The following EPHB2 variants were observed in gnomAD, a reference collection of about 807,000 sequenced individuals.
The protein encoded by EPHB2 is EPH receptor B2, also known as ephrin type-B receptor 2.
In EPHB2, 18 loss-of-function variants were observed where a neutral mutation model predicts 96.4. That is an observed-to-expected ratio of 0.19 (90% CI 0.13 to 0.28). The LOEUF (loss-of-function observed/expected upper bound fraction) is 0.28, where lower values mean the gene tolerates loss of function less well. EPHB2 is among the 10% of genes least tolerant of loss of function. EPHB2 has a pLI of 1.00. For missense variants in EPHB2, 989 were observed against 1,355.4 expected (o/e 0.73, Z 4.25); for synonymous variants, 506 against 534.1 (o/e 0.95, Z 0.72).
At chr1:22,758,954 T>TGATGGATGGATGGATG (rs933915030) in intron 1 of EPHB2, among the ~76,000 whole-genome samples, 1 of 149,830 alleles carries the variant, frequency 6.7e-6, no homozygotes, top group Admixed American at 6.6e-5. Context: ...GATGGATGGA[T>TGATGGATGGATGGATG]GATGGATGGA....
intron 1 of EPHB2, among the ~76,000 whole-genome samples, chr1:22,749,035 T>C (rs1413852227): frequency 6.7e-6 from 1 of 150,204 alleles, no homozygotes; most frequent in Admixed American, 6.6e-5. Context: ...TTTTTTTTTC[T>C]TTTGAGATGG....
chr1:22,806,949 C>G (rs1644936032), intron 3 of EPHB2, among the ~76,000 whole-genome samples: 1 of 152,100 alleles, frequency 6.6e-6, no homozygotes, highest in African/African-American at 2.4e-5. Flanking sequence ...TTATTATCAG[C>G]ACTCCGGCTG....
intron 3 of EPHB2, among the ~76,000 whole-genome samples, chr1:22,815,273 T>G (rs1233006112): frequency 2.6e-5 from 4 of 151,010 alleles, no homozygotes; most frequent in Non-Finnish European, 1.5e-5. Flanking sequence ...GGGGTGGTTG[T>G]GGGGGGTACA....
chr1:22,825,606 A>G (rs1289144327), intron 3 of EPHB2, among the ~76,000 whole-genome samples: 1 of 152,224 alleles, frequency 6.6e-6, no homozygotes, highest in Non-Finnish European at 1.5e-5. Context: ...GAACCCCCTC[A>G]TGCGTTGGCC....
intron 6 of EPHB2, among the ~76,000 whole-genome samples, chr1:22,890,645 C>G (rs1211161179): frequency 1.3e-5 from 2 of 152,132 alleles, no homozygotes; most frequent in Non-Finnish European, 2.9e-5. Flanking sequence ...GTGTCCCCGC[C>G]CAAATCTCAT....
intron 3 of EPHB2, 144 bp from the exon 4 acceptor site, chr1:22,862,893 C>A (rs1050609762): frequency 2.7e-6 from 3 of 1,131,384 alleles, no homozygotes; most frequent in African/African-American, 1.5e-5. Context: ...AGACTTCAAA[C>A]CCTTCAAGAG....
intron 1 of EPHB2, among the ~76,000 whole-genome samples, chr1:22,712,594 C>T (rs1643183244): frequency 6.6e-6 from 1 of 152,212 alleles, no homozygotes; most frequent in Non-Finnish European, 1.5e-5. Flanking sequence ...GGGGGTGTCC[C>T]TGGATGGCAG....
chr1:22,853,036 T>C (rs1645645920), intron 3 of EPHB2, among the ~76,000 whole-genome samples: 1 of 152,144 alleles, frequency 6.6e-6, no homozygotes, highest in Non-Finnish European at 1.5e-5. Flanking sequence ...CACACACAAG[T>C]TGAATGAGCT....
chr1:22,837,665 C>T (rs1645404510), intron 3 of EPHB2, among the ~76,000 whole-genome samples: 1 of 152,214 alleles, frequency 6.6e-6, no homozygotes, highest in Non-Finnish European at 1.5e-5. Context: ...CTGTCTTCCT[C>T]AGGACAGTCC....
chr1:22,720,998 A>G (rs1044476696), intron 1 of EPHB2, among the ~76,000 whole-genome samples: 2 of 152,124 alleles, frequency 1.3e-5, no homozygotes, highest in Admixed American at 6.5e-5. Flanking sequence ...CGAACTGGGC[A>G]TCATAATTTC....
At chr1:22,815,274 G>A (rs918050574) in intron 3 of EPHB2, among the ~76,000 whole-genome samples, 3 of 152,254 alleles carry the variant, frequency 2.0e-5, no homozygotes, top group East Asian at 3.9e-4. Flanking sequence ...GGGTGGTTGT[G>A]GGGGGTACAG....
intron 1 of EPHB2, among the ~76,000 whole-genome samples, chr1:22,722,127 G>T (rs1336795566): frequency 1.3e-5 from 2 of 151,304 alleles, no homozygotes; most frequent in African/African-American, 4.9e-5. Context: ...TTTGTATTTT[G>T]AGTAAAGACA....
intron 13 of EPHB2, among the ~76,000 whole-genome samples, chr1:22,909,685 G>A (rs780466098): frequency 6.6e-6 from 1 of 152,192 alleles, no homozygotes; most frequent in Non-Finnish European, 1.5e-5. Flanking sequence ...AACAGTGTGT[G>A]CAAAGGCTGG....
At chr1:22,797,697 G>A (rs1418625970) in intron 3 of EPHB2, among the ~76,000 whole-genome samples, 2 of 152,130 alleles carry the variant, frequency 1.3e-5, no homozygotes, top group Non-Finnish European at 2.9e-5. Flanking sequence ...GGTCTGGCCA[G>A]AATCTTTAAG....
In EPHB2 at chr1:22,913,997, A is replaced by T; in HGVS notation, c.*427A>T. 7.6e-7 allele frequency: 1 copy of T among 1,310,762 alleles called. No homozygotes were observed. Among genetic ancestry groups the T allele is most frequent in the South Asian group, 1.6e-5 (1 of 62,606 alleles). The allele number at this position is 1,310,762 out of a possible 1,614,324, so 81.2% of individuals were successfully genotyped here. On this transcript the variant is annotated 3_prime_UTR_variant, in exon 16 of 16. Coordinates refer to ENST00000374630, the MANE Select transcript of EPHB2 (RefSeq NM_017449.5). This position sits in a 1 kb window ranked among gnomAD's most constrained non-coding sequence, Gnocchi z 4.1. ...TTTCAGAAAAACAAATGTGAAGGGG[A>T]GAGACAGGGGCCGCCCTTGGCTCCT...
chr1:22,879,449 G>C (rs1638958740), intron 5 of EPHB2, among the ~76,000 whole-genome samples: 2 of 152,232 alleles, frequency 1.3e-5, no homozygotes, highest in Admixed American at 1.3e-4. Flanking sequence ...ATCCTCGGCA[G>C]TCCAGGAGAG....
chr1:22,711,444 G>C (rs1643140513), intron 1 of EPHB2, among the ~76,000 whole-genome samples: 1 of 149,258 alleles, frequency 6.7e-6, no homozygotes, highest in Non-Finnish European at 1.5e-5. Flanking sequence ...GGGCGCCGGC[G>C]CTCGGTCGGG....
At chr1:22,862,903 G>C in intron 3 of EPHB2, 134 bp from the exon 4 acceptor site, 2 of 1,200,226 alleles carry the variant, frequency 1.7e-6, no homozygotes, top group Non-Finnish European at 2.5e-6. Flanking sequence ...CCCTTCAAGA[G>C]ATGAGATTTT....
chr1:22,801,950 T>A (rs990885670), intron 3 of EPHB2, among the ~76,000 whole-genome samples: 4 of 152,204 alleles, frequency 2.6e-5, no homozygotes, highest in African/African-American at 9.6e-5. Flanking sequence ...GAATCCCGCC[T>A]CAGCCCCTCC....
Sources: allele counts gnomAD v4.1 joint callset (sites outside exome capture counted in the v4.1 genomes callset), GRCh38; gene constraint gnomAD v4.1.1; non-coding constraint Gnocchi (gnomAD v3.1); transcripts MANE v1.5; gene names NCBI Gene and HGNC (gene_info 2026-07-23, HGNC 2026-07-21).